UMPS: variants seen among roughly 807,000 people sequenced by gnomAD.
UMPS encodes uridine 5'-monophosphate synthase.
In UMPS, 21 loss-of-function variants were observed where a neutral mutation model predicts 38.9. The ratio of observed to expected loss-of-function variants is 0.54; its 90% confidence interval spans 0.38 to 0.78. UMPS has a LOEUF of 0.78. UMPS is among the 30% of genes least tolerant of loss of function. The pLI is 0.00. For missense variants in UMPS, 533 were observed against 591.6 expected (o/e 0.90, Z 1.03); for synonymous variants, 208 against 219.3 (o/e 0.95, Z 0.45).
At position 124,740,102 on chromosome 3, in the gene UMPS, T is replaced by A; in HGVS notation, c.1061T>A (p.Leu354Gln). Reference sequence around the variant, plus strand: ...CCAGGCTCAGGAGTTGTGAAAGGCCTGCAAGAAGTGGGCCTGCCTTTGCAT... The same window carrying A: ...CCAGGCTCAGGAGTTGTGAAAGGCCAGCAAGAAGTGGGCCTGCCTTTGCAT... ...VVPGSGVVKGLQEVGLPLHRG... is the reference protein window; with the variant it reads ...VVPGSGVVKGQQEVGLPLHRG... Residue 354 changes from leucine (L) to glutamine (Q), a missense_variant, in exon 4 of 6, where the codon CTG becomes CAG. Transcript: ENST00000232607. The A allele has an allele frequency of 6.2e-7, 1 of 1,614,180 alleles. No individual in the cohort carries two copies. Among genetic ancestry groups the A allele is most frequent in the Non-Finnish European group, 8.5e-7 (1 of 1,180,042 alleles).
Position 124,744,150 on chromosome 3 carries a change from C to A in UMPS, c.*66C>A. 1 of 1,583,252 alleles carries A rather than the reference C, an allele frequency of 6.3e-7. No individual in the cohort carries two copies. The highest frequency in any genetic ancestry group is 8.7e-7 in the Non-Finnish European group (1 of 1,155,478). On this transcript the variant is annotated 3_prime_UTR_variant, in exon 6 of 6. Transcript: ENST00000232607. ...GAAGATATGTGGTCCTCCTGAAAGT[C>A]ACTGGCTGGAAATAATCCAATTATT...
chr3:124,748,718 G>C lies in UMPS; in HGVS notation c.*4634G>C, dbSNP rs946719292. ...GTCATGTTTTTCAGCGCTGGGGTTG[G>C]GGGGAGCCCAGGAGAGCAGGAAGAT... On this transcript the variant is annotated 3_prime_UTR_variant, in exon 6 of 6. Transcript: ENST00000232607. 5.1e-5 allele frequency: 23 copies of C among 448,154 alleles called. No homozygotes were observed. The highest frequency in any genetic ancestry group is 1.2e-4 in the African/African-American group (6 of 49,882). 27.8% of individuals were successfully genotyped at this position (448,154 alleles called of 1,614,324 possible).
At chr3:124,735,290 ACAT>A (rs1280833243) in intron 2 of UMPS, 44 bp downstream of exon 2, 2 of 1,562,722 alleles carry the variant, frequency 1.3e-6, no homozygotes, top group South Asian at 1.1e-5. Context: ...TTAATCTGTA[ACAT>A]CATACTCTTA....
At position 124,745,368 on chromosome 3, in the gene UMPS, A is replaced by G. The variant is rs929927337; in HGVS notation, c.*1284A>G. Reference sequence around the variant, plus strand: ...TTAATGACTCAGAGGAATGCCTAGGATTTTTTTTTTTTTTTGAGACAGAAT... The same window carrying G: ...TTAATGACTCAGAGGAATGCCTAGGGTTTTTTTTTTTTTTTGAGACAGAAT... On this transcript the variant is annotated 3_prime_UTR_variant, in exon 6 of 6. Transcript: ENST00000232607. 3 of 390,700 alleles carry G rather than the reference A, an allele frequency of 7.7e-6. No homozygotes were observed. Among genetic ancestry groups the G allele is most frequent in the African/African-American group, 6.4e-5 (3 of 46,592 alleles). The allele number at this position is 390,700 out of a possible 1,614,324, so 24.2% of individuals were successfully genotyped here.
rs768954324 is a variant in UMPS, at chr3:124,744,079, G to A, written c.1438G>A (p.Val480Ile). ...AWEAYLSRLGV is the reference protein window; with the variant it reads ...AWEAYLSRLGI Reference sequence around the variant, plus strand: ...GGAAGCGTATTTGAGTAGACTTGGTGTTTGAGTGCTTCAGATACATTTTTC... The same window carrying A: ...GGAAGCGTATTTGAGTAGACTTGGTATTTGAGTGCTTCAGATACATTTTTC... Residue 480 changes from valine to isoleucine, a missense_variant, in exon 6 of 6, where the codon GTT (valine) becomes ATT (isoleucine). Coordinates refer to ENST00000232607, the MANE Select transcript of UMPS (RefSeq NM_000373.4). The A allele has an allele frequency of 1.9e-6, 3 of 1,614,054 alleles. No individual in the cohort carries two copies. Among genetic ancestry groups the A allele is most frequent in the South Asian group, 1.1e-5 (1 of 91,072 alleles).
rs748803589 is a variant in UMPS, at chr3:124,745,205, A to G, written c.*1121A>G. Reference sequence around the variant, plus strand: ...AAGCCCACATTCAAGGTGGTGTTTGAGCAGGGGCAGGGTGAGGGCTGTCCC... The same window carrying G: ...AAGCCCACATTCAAGGTGGTGTTTGGGCAGGGGCAGGGTGAGGGCTGTCCC... On this transcript the variant is annotated 3_prime_UTR_variant, in exon 6 of 6. Transcript: ENST00000232607. The G allele has an allele frequency of 4.4e-6, 2 of 454,124 alleles. No homozygotes were observed. The highest frequency in any genetic ancestry group is 3.1e-5 in the South Asian group (2 of 64,480). The allele number at this position is 454,124 out of a possible 1,614,324, so 28.1% of individuals were successfully genotyped here. A position where few individuals can be genotyped will look rare whatever the true frequency, so the allele number is the denominator to read the frequency against.
Position 124,748,624 on chromosome 3 carries a change from G to C in UMPS, c.*4540G>C, listed in dbSNP as rs2063621352. ...TCTCACGTGCTGCTGCTGAATCCCA[G>C]GGAAGGAGGGAGGAAGGGCAGTTGA... On this transcript the variant is annotated 3_prime_UTR_variant, in exon 6 of 6. Coordinates refer to ENST00000232607, the MANE Select transcript of UMPS (RefSeq NM_000373.4). 1 of 454,060 alleles carries C rather than the reference G, an allele frequency of 2.2e-6. No individual in the cohort carries two copies. Among genetic ancestry groups the C allele is most frequent in the African/African-American group, 2.0e-5 (1 of 50,110 alleles). 28.1% of individuals were successfully genotyped at this position (454,060 alleles called of 1,614,324 possible).
chr3:124,731,967 A>ATT (rs199536326), intron 1 of UMPS, among the ~76,000 whole-genome samples: 1 of 142,710 alleles, frequency 7.0e-6, no homozygotes, highest in Non-Finnish European at 1.6e-5. Flanking sequence ...CCAAATTAAA[A>ATT]ATTTTTTTTT....
Position 124,745,884 on chromosome 3 carries a change from A to C in UMPS, c.*1800A>C. ...CATGTGTCAGTGGTTCTCCCACTTT[A>C]GCAGGTATCAGAGTCACCTGGAGTC... is the stretch of plus-strand genomic sequence containing the variant. On this transcript the variant is annotated 3_prime_UTR_variant, in exon 6 of 6. Transcript: ENST00000232607. 1 of 454,070 alleles carries C rather than the reference A, an allele frequency of 2.2e-6. No individual in the cohort carries two copies. Among genetic ancestry groups the C allele is most frequent in the Non-Finnish European group, 4.4e-6 (1 of 226,780 alleles). The allele number at this position is 454,070 out of a possible 1,614,324, so 28.1% of individuals were successfully genotyped here.
At position 124,743,959 on chromosome 3, in the gene UMPS, G is replaced by A. The variant is rs1418255371; in HGVS notation, c.1318G>A (p.Gly440Ser). 1.2e-6 allele frequency: 2 copies of A among 1,614,176 alleles called. No individual in the cohort carries two copies. Among genetic ancestry groups the A allele is most frequent in the Admixed American group, 3.3e-5 (2 of 60,024 alleles). The change falls in exon 6 of 6, where the codon GGC becomes AGC. Residue 440 changes from glycine (G) to serine (S), a missense_variant. By Grantham distance (56) the Gly-to-Ser change is moderately conservative. Coordinates refer to ENST00000232607, the MANE Select transcript of UMPS (RefSeq NM_000373.4). ...QQYNSPQEVI[G>S]KRGSDIIIVG... ...GTACAATAGCCCACAAGAAGTTATT[G>A]GCAAACGAGGTTCCGATATCATCAT...
chr3:124,740,051 C>T lies in UMPS; in HGVS notation c.1010C>T (p.Ala337Val). The T allele has an allele frequency of 1.9e-6, 3 of 1,614,106 alleles. No individual in the cohort carries two copies. Among genetic ancestry groups the T allele is most frequent in the Non-Finnish European group, 2.5e-6 (3 of 1,180,022 alleles). The change falls in exon 4 of 6, where the codon GCA (alanine) becomes GTA (valine). Residue 337 changes from alanine (A) to valine (V), a missense_variant. Transcript: ENST00000232607. ...GGTATCTTTAAAATAGCTTCCTGGG[C>T]AGATCTAGTAAATGCTCACGTGGTG... ...EGGIFKIASW[A>V]DLVNAHVVPG...
In UMPS at chr3:124,737,746, G is replaced by A. The variant is rs2063527501; in HGVS notation, c.489G>A (p.Leu163=). The change falls in exon 3 of 6, where the codon TTG becomes TTA. Residue 163 remains leucine, a synonymous_variant. Transcript: ENST00000232607. ...LDREQGGKDK[L]QAHGIRLHSV... ...GAGAGCAGGGAGGCAAGGACAAGTTGCAGGCGCACGGGATCCGCCTCCACT... is the reference window on the plus strand; with the variant it reads ...GAGAGCAGGGAGGCAAGGACAAGTTACAGGCGCACGGGATCCGCCTCCACT... 1 of 1,614,074 alleles carries A rather than the reference G, an allele frequency of 6.2e-7. No individual in the cohort carries two copies. The highest frequency in any genetic ancestry group is 8.5e-7 in the Non-Finnish European group (1 of 1,180,048).
chr3:124,739,945 T>C (rs111821291), intron 3 of UMPS, 79 bp from the exon 4 acceptor site: 3 of 1,329,058 alleles, frequency 2.3e-6, no homozygotes, highest in Non-Finnish European at 3.2e-6. Context: ...TTATTTCATA[T>C]TGTAGTTGGT....
intron 1 of UMPS, among the ~76,000 whole-genome samples, chr3:124,731,054 A>ACC (rs1273842788): frequency 6.6e-6 from 1 of 152,002 alleles, no homozygotes; most frequent in Non-Finnish European, 1.5e-5. Flanking sequence ...ACATGACGAG[A>ACC]CCCCGTCTCT....
intron 4 of UMPS, 101 bp from the exon 5 acceptor site, chr3:124,742,051 T>TC: frequency 1.2e-6 from 1 of 865,504 alleles, no homozygotes; most frequent in East Asian, 2.8e-5. Flanking sequence ...CTCATGTCTT[T>TC]TTTTTTTTTT....
chr3:124,741,093 A>G (rs1159288175), intron 4 of UMPS, among the ~76,000 whole-genome samples: 1 of 152,198 alleles, frequency 6.6e-6, no homozygotes, highest in Admixed American at 6.5e-5. Flanking sequence ...CTTAACTCAT[A>G]TGGCCCTACA....
chr3:124,749,169 C>A lies in UMPS; in HGVS notation c.*5085C>A, dbSNP rs929552121. 6 of 453,904 alleles carry A rather than the reference C, an allele frequency of 1.3e-5. No homozygotes were observed. Among genetic ancestry groups the A allele is most frequent in the Non-Finnish European group, 2.2e-5 (5 of 226,780 alleles). 28.1% of individuals were successfully genotyped at this position (453,904 alleles called of 1,614,324 possible). A position where few individuals can be genotyped will look rare whatever the true frequency, so the allele number is the denominator to read the frequency against. The stretch of plus-strand genomic sequence containing the variant: ...AACCTAGCAATGTTGTTTTCTGCCA[C>A]AACTTGAATAGATACTTGAAGCAGA... On this transcript the variant is annotated 3_prime_UTR_variant, in exon 6 of 6. Transcript: ENST00000232607.
At chr3:124,743,840 T>A in intron 5 of UMPS, 75 bp from the exon 6 acceptor site, 7 of 1,585,332 alleles carry the variant, frequency 4.4e-6, no homozygotes, top group Non-Finnish European at 6.0e-6. Context: ...GGTTAGATAC[T>A]TTTTCAGAGA....
At chr3:124,742,316 T>C (rs1262435594) in intron 5 of UMPS, 50 bp downstream of exon 5, 6 of 1,358,768 alleles carry the variant, frequency 4.4e-6, no homozygotes, top group Non-Finnish European at 6.3e-6. Context: ...TCTTTACCCA[T>C]GGCAGGCAAA....
Sources: allele counts gnomAD v4.1 joint callset (sites outside exome capture counted in the v4.1 genomes callset), GRCh38; gene constraint gnomAD v4.1.1; transcripts MANE v1.5; gene names NCBI Gene and HGNC (gene_info 2026-07-23, HGNC 2026-07-21).